The following LRFN5 variants were observed in gnomAD, a reference collection of about 807,000 sequenced individuals.
The protein encoded by LRFN5 is leucine-rich repeat and fibronectin type-III domain-containing protein 5.
A neutral mutation model predicts 45.6 loss-of-function variants in LRFN5; 24 were observed. The observed-to-expected ratio is 0.53, with a 90% CI of 0.38 to 0.74. LRFN5 has a LOEUF of 0.74. LRFN5 is among the 30% of genes least tolerant of loss of function. The pLI is 0.00. For missense variants in LRFN5, 776 were observed against 861.5 expected, an observed-to-expected ratio of 0.90 and a Z score of 1.24; for synonymous variants, 340 against 313.8, an observed-to-expected ratio of 1.08 and a Z score of -0.88.
At chr14:41,872,800 G>T (rs1018551904) in intron 2 of LRFN5, among the ~76,000 whole-genome samples, 2 of 152,156 alleles carry the variant, frequency 1.3e-5, no homozygotes, top group African/African-American at 4.8e-5. Flanking sequence ...GTAAAAATTA[G>T]GTTCTTCTTC....
intron 2 of LRFN5, among the ~76,000 whole-genome samples, chr14:41,832,285 T>G (rs1171179586): frequency 6.6e-6 from 1 of 152,196 alleles, no homozygotes; most frequent in African/African-American, 2.4e-5. Context: ...GTTGTTAACA[T>G]TTTCCATTGG....
At chr14:41,759,319 A>G (rs1376918337) in intron 1 of LRFN5, among the ~76,000 whole-genome samples, 1 of 152,080 alleles carries the variant, frequency 6.6e-6, no homozygotes, top group Non-Finnish European at 1.5e-5. Flanking sequence ...TCTCTTAACT[A>G]TCTATGAATC....
intron 2 of LRFN5, among the ~76,000 whole-genome samples, chr14:41,868,270 G>A (rs907213261): frequency 6.6e-6 from 1 of 151,958 alleles, no homozygotes; most frequent in Non-Finnish European, 1.5e-5. Context: ...AGATGACAAG[G>A]TTCTAAATAT....
intron 2 of LRFN5, among the ~76,000 whole-genome samples, chr14:41,786,433 T>C (rs1886723114): frequency 6.6e-6 from 1 of 152,164 alleles, no homozygotes; most frequent in Admixed American, 6.5e-5. Context: ...CTTTCAACTC[T>C]CTTCTTTCTT....
At chr14:41,631,437 T>C (rs920020622) in intron 1 of LRFN5, among the ~76,000 whole-genome samples, 1 of 152,170 alleles carries the variant, frequency 6.6e-6, no homozygotes. Flanking sequence ...TAGTCAAGTG[T>C]ACTGTGAATG....
At chr14:41,642,446 C>T (rs543023894) in intron 1 of LRFN5, among the ~76,000 whole-genome samples, 49 of 152,282 alleles carry the variant, frequency 3.2e-4, no homozygotes, top group South Asian at 2.9e-3. Context: ...CATGAGGCAG[C>T]ATATGTGAAT....
chr14:41,755,825 T>G (rs1426072686), intron 1 of LRFN5, among the ~76,000 whole-genome samples: 1 of 152,214 alleles, frequency 6.6e-6, no homozygotes, highest in Admixed American at 6.5e-5. Context: ...TAGCTGGTTA[T>G]TTTGCTCATT....
intron 1 of LRFN5, chr14:41,700,126 A>G (rs1411428605): frequency 6.6e-6 from 1 of 152,072 alleles, no homozygotes; most frequent in South Asian, 2.1e-4. Context: ...AGCCCAGGGA[A>G]GGTAATGGAG....
At chr14:41,828,654 G>A (rs1372720054) in intron 2 of LRFN5, among the ~76,000 whole-genome samples, 1 of 151,828 alleles carries the variant, frequency 6.6e-6, no homozygotes, top group African/African-American at 2.4e-5. Flanking sequence ...AAGAAAATAA[G>A]TCCTATTGAT....
chr14:41,693,046 T>A (rs1481800724), intron 1 of LRFN5, among the ~76,000 whole-genome samples: 3 of 152,126 alleles, frequency 2.0e-5, no homozygotes, highest in Non-Finnish European at 4.4e-5. Flanking sequence ...ATTAACTATA[T>A]GTGTGTGCAT....
At chr14:41,736,919 G>C (rs185688235) in intron 1 of LRFN5, among the ~76,000 whole-genome samples, 195 of 152,136 alleles carry the variant, frequency 1.3e-3, no homozygotes, top group African/African-American at 4.5e-3. Flanking sequence ...TCTACCAGAG[G>C]TACAAAGAGG....
At chr14:41,869,440 T>TA (rs374451245) in intron 2 of LRFN5, among the ~76,000 whole-genome samples, 38 of 151,420 alleles carry the variant, frequency 2.5e-4, no homozygotes, top group East Asian at 1.8e-3. Flanking sequence ...TTTTTTTTTT[T>TA]AAAAAAAGGT....
chr14:41,845,718 A>G (rs749713607), intron 2 of LRFN5, among the ~76,000 whole-genome samples: 2 of 152,190 alleles, frequency 1.3e-5, no homozygotes, highest in Non-Finnish European at 2.9e-5. Flanking sequence ...TAATTTCATT[A>G]GTTGTCAACA....
chr14:41,756,260 C>T (rs112867848), intron 1 of LRFN5, among the ~76,000 whole-genome samples: 1 of 149,996 alleles, frequency 6.7e-6, no homozygotes, highest in South Asian at 2.1e-4. Flanking sequence ...TTGCTCTTCT[C>T]GAGGAGTATC....
In LRFN5 at chr14:41,607,811, T is replaced by A. The variant is rs1430550835; in HGVS notation, c.-948T>A. 6.6e-6 allele frequency: 1 copy of A among 151,186 alleles called. No individual in the cohort carries two copies. Among genetic ancestry groups the A allele is most frequent in the Non-Finnish European group, 1.5e-5 (1 of 67,772 alleles). 9.4% of individuals were successfully genotyped at this position (151,186 alleles called of 1,614,324 possible). The stretch of plus-strand genomic sequence containing the variant: ...TCAAGAGAGTGTCTTGCAGCCCTCT[T>A]GTTTCCGTGTATCTACACCTTCTTC... On this transcript the variant is annotated 5_prime_UTR_variant, in exon 1 of 6. Coordinates refer to ENST00000298119, the MANE Select transcript of LRFN5 (RefSeq NM_152447.5).
chr14:41,757,314 A>G (rs1288289796), intron 1 of LRFN5, among the ~76,000 whole-genome samples: 2 of 152,126 alleles, frequency 1.3e-5, no homozygotes, highest in Non-Finnish European at 2.9e-5. Context: ...GTCTGCAGAG[A>G]TTTCTGCTGC....
Position 41,620,545 on chromosome 14 carries a change from T to C in LRFN5, c.-197+11983T>C, listed in dbSNP as rs553490266. Among the ~76,000 whole-genome samples, 12 of 152,230 alleles carry C rather than the reference T, an allele frequency of 7.9e-5. No homozygotes were observed. In the East Asian group the frequency reaches 1.9e-3, roughly 24 times the overall value. On this transcript the variant is annotated intron_variant, in intron 1 of 5. Transcript: ENST00000298119. Reference sequence around the variant, plus strand: ...TTTGTTTTCTATTTGGGAAAATTGATCTTATAGTAGCTTAGACTAATTTGT... The same window carrying C: ...TTTGTTTTCTATTTGGGAAAATTGACCTTATAGTAGCTTAGACTAATTTGT...
chr14:41,772,953 C>G (rs1000041305), intron 2 of LRFN5, among the ~76,000 whole-genome samples: 1 of 152,082 alleles, frequency 6.6e-6, no homozygotes, highest in African/African-American at 2.4e-5. Context: ...TAGACTACCC[C>G]AAGAGCCTCC....
intron 1 of LRFN5, among the ~76,000 whole-genome samples, chr14:41,632,831 T>C (rs1266130320): frequency 6.6e-6 from 1 of 152,098 alleles, no homozygotes; most frequent in Non-Finnish European, 1.5e-5. Flanking sequence ...TTCAAGAAAA[T>C]GTATGATTTT....
Sources: gnomAD v4.1 joint callset for allele counts (sites outside exome capture counted in the v4.1 genomes callset) on GRCh38, gnomAD v4.1.1 for gene constraint, MANE v1.5 for transcripts, NCBI Gene and HGNC (gene_info 2026-07-23, HGNC 2026-07-21) for gene names.